THADA: variants seen among roughly 807,000 people sequenced by gnomAD.
THADA encodes tRNA (32-2'-O)-methyltransferase regulator THADA.
Under a neutral mutation model 219.8 loss-of-function variants are expected in THADA, and 213 were observed. The observed-to-expected ratio is 0.97, with a 90% CI of 0.87 to 1.09. The LOEUF (loss-of-function observed/expected upper bound fraction) is 1.09, where lower values mean the gene tolerates loss of function less well. Ranked by LOEUF, THADA falls within the 50% of genes least tolerant of loss-of-function variation. THADA has a pLI of 0.00. For missense variants in THADA, 2,956 were observed against 2,311.3 expected, an observed-to-expected ratio of 1.28 and a Z score of -5.72; for synonymous variants, 1,018 against 828.9, an observed-to-expected ratio of 1.23 and a Z score of -3.92.
chr2:43,282,636 A>G (rs1394731070), intron 35 of THADA, among the ~76,000 whole-genome samples: 1 of 152,220 alleles, frequency 6.6e-6, no homozygotes, highest in Non-Finnish European at 1.5e-5. Flanking sequence ...ACATGGCAGG[A>G]GAGGGCAGGG....
chr2:43,522,933 CA>C (rs1406397022), intron 22 of THADA, among the ~76,000 whole-genome samples: 2 of 150,734 alleles, frequency 1.3e-5, no homozygotes, highest in African/African-American at 2.4e-5. Context: ...CAAAACAAAA[CA>C]AAAAAAAGAA....
At chr2:43,332,659 T>C (rs1665925753) in intron 30 of THADA, among the ~76,000 whole-genome samples, 2 of 152,176 alleles carry the variant, frequency 1.3e-5, no homozygotes, top group South Asian at 4.1e-4. Context: ...TACATAATAT[T>C]ATGAGAATGT....
intron 31 of THADA, among the ~76,000 whole-genome samples, chr2:43,295,846 G>A (rs564548777): frequency 4.6e-5 from 7 of 151,750 alleles, no homozygotes; most frequent in African/African-American, 1.7e-4. Context: ...GCAAAATGGG[G>A]ACTGGACTTG....
chr2:43,307,529 G>T (rs893792678), intron 31 of THADA, among the ~76,000 whole-genome samples: 1 of 152,214 alleles, frequency 6.6e-6, no homozygotes, highest in Non-Finnish European at 1.5e-5. Context: ...ATAGTTATGT[G>T]TTCTCTCACC....
At chr2:43,325,138 T>C (rs1311308964) in intron 30 of THADA, among the ~76,000 whole-genome samples, 3 of 152,160 alleles carry the variant, frequency 2.0e-5, no homozygotes, top group Non-Finnish European at 1.5e-5. Flanking sequence ...TCTCCTGCCC[T>C]CTCTCCTGGA....
intron 13 of THADA, 53 bp from the exon 14 acceptor site, chr2:43,570,563 G>A: frequency 6.4e-7 from 1 of 1,560,750 alleles, no homozygotes; most frequent in Non-Finnish European, 8.6e-7. Context: ...AAATTTAAAT[G>A]TCAGCCTGAG....
intron 28 of THADA, among the ~76,000 whole-genome samples, chr2:43,400,224 G>T (rs6751139): frequency 0.36 from 55,318 of 151,630 alleles, 10,730 homozygotes; most frequent in African/African-American, 0.46. Flanking sequence ...GGATGGAAAG[G>T]GGGAAAAGTG....
chr2:43,295,118 TG>T (rs1675211603), intron 31 of THADA, among the ~76,000 whole-genome samples: 1 of 152,100 alleles, frequency 6.6e-6, no homozygotes, highest in South Asian at 2.1e-4. Context: ...GTCAGCTGGG[TG>T]GGGGATCACT....
At chr2:43,265,396 T>G (rs894009377) in intron 36 of THADA, among the ~76,000 whole-genome samples, 1 of 152,196 alleles carries the variant, frequency 6.6e-6, no homozygotes, top group African/African-American at 2.4e-5. Flanking sequence ...TTAGAGAGGT[T>G]AGAGAAATAA....
chr2:43,468,143 T>C (rs1411572595), intron 26 of THADA, among the ~76,000 whole-genome samples: 1 of 152,244 alleles, frequency 6.6e-6, no homozygotes, highest in Non-Finnish European at 1.5e-5. Flanking sequence ...GTTTATATTT[T>C]AAATAAATGA....
chr2:43,329,441 G>T (rs1456545027), intron 30 of THADA, among the ~76,000 whole-genome samples: 1 of 152,182 alleles, frequency 6.6e-6, no homozygotes, highest in East Asian at 1.9e-4. Flanking sequence ...TAGGACCGTG[G>T]TCATGTGAAT....
intron 30 of THADA, among the ~76,000 whole-genome samples, chr2:43,338,249 C>T (rs1302715344): frequency 6.6e-6 from 1 of 151,612 alleles, no homozygotes; most frequent in Non-Finnish European, 1.5e-5. Context: ...TTCCATCTCC[C>T]AGGTTCAAGC....
intron 25 of THADA, among the ~76,000 whole-genome samples, chr2:43,497,098 A>T (rs933903055): frequency 1.3e-5 from 2 of 152,230 alleles, no homozygotes; most frequent in African/African-American, 4.8e-5. Flanking sequence ...GGAAATGTAA[A>T]TTAGTTCAAC....
At chr2:43,584,605 T>C (rs1700814940) in intron 7 of THADA, among the ~76,000 whole-genome samples, 1 of 152,220 alleles carries the variant, frequency 6.6e-6, no homozygotes, top group African/African-American at 2.4e-5. Context: ...AGATAAATTC[T>C]TAAAGGCAAC....
chr2:43,441,122 C>T (rs7567535), intron 26 of THADA, among the ~76,000 whole-genome samples: 16,903 of 152,124 alleles, frequency 0.11, 1,084 homozygotes, highest in African/African-American at 0.16. Flanking sequence ...CCTGATGGTG[C>T]GGACTTTGAA....
At chr2:43,407,354 C>T (rs1425909197) in intron 28 of THADA, among the ~76,000 whole-genome samples, 1 of 152,152 alleles carries the variant, frequency 6.6e-6, no homozygotes, top group Non-Finnish European at 1.5e-5. Flanking sequence ...GAAAGGAATG[C>T]TTTTATTGAC....
intron 36 of THADA, among the ~76,000 whole-genome samples, chr2:43,233,552 T>C (rs988719913): frequency 1.3e-5 from 2 of 152,182 alleles, no homozygotes; most frequent in Admixed American, 6.5e-5. Flanking sequence ...AAGCAGGTGG[T>C]AGGCTGCATT....
intron 29 of THADA, among the ~76,000 whole-genome samples, chr2:43,352,966 T>C (rs1030438537): frequency 6.6e-6 from 1 of 152,228 alleles, no homozygotes; most frequent in Non-Finnish European, 1.5e-5. Context: ...TTATTATTTT[T>C]TTAAAGATTC....
intron 20 of THADA, among the ~76,000 whole-genome samples, chr2:43,547,686 G>A (rs933594343): frequency 5.9e-5 from 9 of 151,958 alleles, no homozygotes; most frequent in Non-Finnish European, 1.3e-4. Context: ...CATTCTTCAC[G>A]TAGTTCTCGA....
Sources: allele counts gnomAD v4.1 joint callset (sites outside exome capture counted in the v4.1 genomes callset), GRCh38; gene constraint gnomAD v4.1.1; transcripts MANE v1.5; gene names NCBI Gene and HGNC (gene_info 2026-07-23, HGNC 2026-07-21).